Variants in DLG2 observed in about 807,000 individuals in gnomAD.
DLG2 encodes the protein discs large MAGUK scaffold protein 2, also known as disks large homolog 2.
A neutral mutation model predicts 132.5 loss-of-function variants in DLG2; 45 were observed. The ratio of observed to expected loss-of-function variants is 0.34; its 90% CI spans 0.27 to 0.44. The LOEUF (loss-of-function observed/expected upper bound fraction) is 0.44. Among genes scored for constraint, DLG2 ranks in the 20% least tolerant of loss-of-function variants. DLG2 has a pLI of 1.00. For missense variants in DLG2, 1,045 were observed against 1,196.9 expected, an observed-to-expected ratio of 0.87 and a Z score of 1.87; for synonymous variants, 424 against 419.6, an observed-to-expected ratio of 1.01 and a Z score of -0.13.
chr11:84,838,159 C>G (rs1028416046), intron 6 of DLG2, among the ~76,000 whole-genome samples: 1 of 151,830 alleles, frequency 6.6e-6, no homozygotes, highest in Non-Finnish European at 1.5e-5. Flanking sequence ...ATTTCTATAA[C>G]CTAATTATGT....
chr11:83,992,794 A>G (rs2093797270), intron 11 of DLG2, among the ~76,000 whole-genome samples: 2 of 152,174 alleles, frequency 1.3e-5, no homozygotes, highest in Non-Finnish European at 2.9e-5. Context: ...CTAAGATTGT[A>G]GGATAATAAC....
At chr11:85,206,508 A>T (rs2081902779) in intron 4 of DLG2, among the ~76,000 whole-genome samples, 1 of 152,190 alleles carries the variant, frequency 6.6e-6, no homozygotes, top group Non-Finnish European at 1.5e-5. Flanking sequence ...TGATATAATG[A>T]ATATGAAAGC....
intron 16 of DLG2, among the ~76,000 whole-genome samples, chr11:83,850,156 G>GTGTGTGTGTTTT (rs1555057363): frequency 7.5e-6 from 1 of 132,980 alleles, no homozygotes; most frequent in East Asian, 2.0e-4. Context: ...GTGTGTGTGT[G>GTGTGTGTGTTTT]TGTGTTTTTT....
intron 12 of DLG2, among the ~76,000 whole-genome samples, chr11:83,974,756 A>C (rs1451702125): frequency 6.6e-6 from 1 of 152,076 alleles, no homozygotes; most frequent in Non-Finnish European, 1.5e-5. Context: ...CCAAAGATGG[A>C]TGTGACTTGC....
At chr11:84,717,211 G>T (rs967748456) in intron 6 of DLG2, among the ~76,000 whole-genome samples, 1 of 151,982 alleles carries the variant, frequency 6.6e-6, no homozygotes, top group Non-Finnish European at 1.5e-5. Context: ...TTCAGGAAAG[G>T]AAATAAATAT....
intron 21 of DLG2, among the ~76,000 whole-genome samples, chr11:83,513,493 A>T (rs2140053253): frequency 6.6e-6 from 1 of 152,200 alleles, no homozygotes; most frequent in South Asian, 2.1e-4. Flanking sequence ...GTTCACTCTG[A>T]TGGTAGTTTC....
chr11:83,945,304 G>A (rs2083572019), intron 14 of DLG2, among the ~76,000 whole-genome samples: 1 of 152,102 alleles, frequency 6.6e-6, no homozygotes, highest in Non-Finnish European at 1.5e-5. Flanking sequence ...ATAAGTGGGA[G>A]GGAGTAGGAT....
chr11:85,085,037 A>C (rs2067734186), intron 6 of DLG2, among the ~76,000 whole-genome samples: 1 of 152,058 alleles, frequency 6.6e-6, no homozygotes, highest in South Asian at 2.1e-4. Flanking sequence ...TTGTATATCT[A>C]CCTCCAAAGG....
chr11:83,872,090 C>T (rs1229106757), intron 16 of DLG2, among the ~76,000 whole-genome samples: 2 of 152,046 alleles, frequency 1.3e-5, no homozygotes, highest in African/African-American at 4.8e-5. Flanking sequence ...ATGGTGAAAC[C>T]CCGTCTCTAC....
intron 15 of DLG2, among the ~76,000 whole-genome samples, chr11:83,902,187 A>T (rs1300991006): frequency 6.6e-6 from 1 of 152,050 alleles, no homozygotes; most frequent in Non-Finnish European, 1.5e-5. Context: ...TTTCTCAAAC[A>T]TCTCATGTTC....
intron 11 of DLG2, among the ~76,000 whole-genome samples, chr11:84,016,579 TC>T (rs915410996): frequency 1.5e-4 from 23 of 152,252 alleles, no homozygotes; most frequent in African/African-American, 5.3e-4. Flanking sequence ...GCTAGCCAGT[TC>T]TCCCAGCATC....
chr11:85,100,603 C>G (rs771117927), intron 6 of DLG2, among the ~76,000 whole-genome samples: 5 of 152,088 alleles, frequency 3.3e-5, no homozygotes, highest in Admixed American at 6.6e-5. Context: ...TAGTGCATGC[C>G]AATGCACTGT....
At chr11:85,286,582 T>C (rs1378257042) in intron 3 of DLG2, among the ~76,000 whole-genome samples, 1 of 152,006 alleles carries the variant, frequency 6.6e-6, no homozygotes, top group Non-Finnish European at 1.5e-5. Context: ...GCAATGAGGG[T>C]GTCTATATGA....
At chr11:83,866,947 A>G (rs1435261904) in intron 16 of DLG2, among the ~76,000 whole-genome samples, 3 of 152,142 alleles carry the variant, frequency 2.0e-5, no homozygotes, top group Non-Finnish European at 4.4e-5. Flanking sequence ...AGAAGCCTAC[A>G]GTTTGGAGAT....
intron 17 of DLG2, among the ~76,000 whole-genome samples, chr11:83,802,374 ATG>A (rs1260279090): frequency 6.6e-6 from 1 of 152,116 alleles, no homozygotes; most frequent in South Asian, 2.1e-4. Context: ...CTGAGATGAG[ATG>A]TGTGTGTGCT....
intron 15 of DLG2, among the ~76,000 whole-genome samples, chr11:83,887,368 CGA>C: frequency 6.6e-6 from 1 of 151,562 alleles, no homozygotes; most frequent in South Asian, 2.1e-4. Context: ...ATAAATTCCT[CGA>C]CACATACACC....
At chr11:85,024,319 A>C (rs1470126311) in intron 6 of DLG2, among the ~76,000 whole-genome samples, 1 of 152,204 alleles carries the variant, frequency 6.6e-6, no homozygotes, top group Non-Finnish European at 1.5e-5. Flanking sequence ...CATTTTACTT[A>C]TTTAAAATAT....
intron 9 of DLG2, among the ~76,000 whole-genome samples, chr11:84,152,373 T>C (rs1172017075): frequency 6.6e-6 from 1 of 151,812 alleles, no homozygotes; most frequent in East Asian, 1.9e-4. Flanking sequence ...TACTGTCCTC[T>C]GCTCTTTTTT....
intron 8 of DLG2, among the ~76,000 whole-genome samples, chr11:84,190,490 G>T (rs777141933): frequency 3.3e-5 from 5 of 152,154 alleles, no homozygotes; most frequent in Non-Finnish European, 7.3e-5. Context: ...GTGTTGAAAA[G>T]TCAAATCAAA....
Sources: gnomAD v4.1 joint callset for allele counts (sites outside exome capture counted in the v4.1 genomes callset) on GRCh38, gnomAD v4.1.1 for gene constraint, MANE v1.5 for transcripts, NCBI Gene and HGNC (gene_info 2026-07-23, HGNC 2026-07-21) for gene names.